PDE3A: variants seen among roughly 807,000 people sequenced by gnomAD.
PDE3A encodes cGMP-inhibited 3',5'-cyclic phosphodiesterase 3A.
PDE3A carries 43 observed loss-of-function variants against 98.3 expected under a neutral mutation model. The ratio of observed to expected loss-of-function variants is 0.44; its 90% CI spans 0.34 to 0.56. PDE3A has a LOEUF of 0.56. Among genes scored for constraint, PDE3A ranks in the 20% least tolerant of loss-of-function variants. The probability of loss-of-function intolerance (pLI) is 0.01; values close to 1 mark genes in which losing one functional copy is unlikely to be tolerated. For synonymous variants in PDE3A, 663 were observed against 567.9 expected, an observed-to-expected ratio of 1.17 and a Z score of -2.38; for missense variants, 1,427 against 1,440.7, an observed-to-expected ratio of 0.99 and a Z score of 0.15.
chr12:20,517,176 A>G (rs539051385), intron 1 of PDE3A, among the ~76,000 whole-genome samples: 2 of 152,348 alleles, frequency 1.3e-5, no homozygotes, highest in South Asian at 4.1e-4. Flanking sequence ...TATTTCTTTC[A>G]GAGTAGCTAG....
At chr12:20,481,514 A>G (rs902577249) in intron 1 of PDE3A, among the ~76,000 whole-genome samples, 3 of 152,174 alleles carry the variant, frequency 2.0e-5, no homozygotes, top group African/African-American at 7.2e-5. Context: ...CTCTTGCCCT[A>G]TTAGATCAAT....
chr12:20,453,202 C>G (rs909396265), intron 1 of PDE3A, among the ~76,000 whole-genome samples: 2 of 132,090 alleles, frequency 1.5e-5, no homozygotes, highest in African/African-American at 5.8e-5. Flanking sequence ...GAGACTGAGT[C>G]CCACTGTGTC....
At chr12:20,509,159 A>T (rs972381943) in intron 1 of PDE3A, among the ~76,000 whole-genome samples, 1 of 152,064 alleles carries the variant, frequency 6.6e-6, no homozygotes, top group East Asian at 1.9e-4. Flanking sequence ...CTAATCTGCC[A>T]CCATTACAGC....
At chr12:20,562,965 T>G (rs376978499) in intron 2 of PDE3A, among the ~76,000 whole-genome samples, 2 of 152,222 alleles carry the variant, frequency 1.3e-5, no homozygotes, top group African/African-American at 4.8e-5. Flanking sequence ...ATCATCAGTA[T>G]GCTTACAAAT....
At chr12:20,568,637 A>T (rs1295649803) in intron 2 of PDE3A, among the ~76,000 whole-genome samples, 3 of 151,964 alleles carry the variant, frequency 2.0e-5, no homozygotes, top group African/African-American at 7.2e-5. Flanking sequence ...TATAGTGAAT[A>T]ATGTACAAAA....
chr12:20,673,548 T>C (rs1283960899), intron 15 of PDE3A, among the ~76,000 whole-genome samples: 3 of 148,708 alleles, frequency 2.0e-5, no homozygotes, highest in Non-Finnish European at 4.4e-5. Flanking sequence ...ATGTCCTTTG[T>C]AGGGACATGG....
chr12:20,629,059 G>C (rs556498046), intron 5 of PDE3A, among the ~76,000 whole-genome samples: 1 of 152,306 alleles, frequency 6.6e-6, no homozygotes, highest in South Asian at 2.1e-4. Context: ...ATGAAAACCA[G>C]TAAGCAGGTT....
intron 2 of PDE3A, among the ~76,000 whole-genome samples, chr12:20,596,371 G>T (rs4417347): frequency 6.6e-6 from 1 of 151,858 alleles, no homozygotes; most frequent in Non-Finnish European, 1.5e-5. Flanking sequence ...ACATCTGCCC[G>T]CTAAATGTCT....
intron 2 of PDE3A, among the ~76,000 whole-genome samples, chr12:20,605,670 G>C (rs946123643): frequency 8.5e-5 from 13 of 152,136 alleles, no homozygotes; most frequent in Non-Finnish European, 1.8e-4. Flanking sequence ...TGTAGGTTTG[G>C]TTTTGGAAGT....
At chr12:20,657,077 TGATACTGTAGCTTTG>T (rs1394797326) in intron 15 of PDE3A, among the ~76,000 whole-genome samples, 13 of 152,256 alleles carry the variant, frequency 8.5e-5, no homozygotes, top group Admixed American at 7.9e-4. Flanking sequence ...CACAATGATT[TGATACTGTAGCTTTG>T]GAAATATTAT....
intron 1 of PDE3A, among the ~76,000 whole-genome samples, chr12:20,498,628 A>G (rs890883020): frequency 2.0e-5 from 3 of 151,334 alleles, no homozygotes; most frequent in Admixed American, 1.3e-4. Context: ...CCAATCTGCC[A>G]TGGATATCAA....
chr12:20,597,975 TG>T (rs1943504518), intron 2 of PDE3A, among the ~76,000 whole-genome samples: 1 of 152,298 alleles, frequency 6.6e-6, no homozygotes, highest in East Asian at 1.9e-4. Context: ...ATCATACTTA[TG>T]TTTTTTTTGT....
At chr12:20,445,237 T>C (rs1256863525) in intron 1 of PDE3A, among the ~76,000 whole-genome samples, 1 of 152,170 alleles carries the variant, frequency 6.6e-6, no homozygotes, top group Non-Finnish European at 1.5e-5. Flanking sequence ...GATCCAGGAA[T>C]AACTGTTAGC....
chr12:20,661,947 C>T (rs563275147), intron 15 of PDE3A, among the ~76,000 whole-genome samples: 31 of 152,198 alleles, frequency 2.0e-4, no homozygotes, highest in Admixed American at 1.4e-3. Context: ...GATCCACCAA[C>T]AGCTGGCACC....
chr12:20,379,546 G>T (rs1335130965), intron 1 of PDE3A, among the ~76,000 whole-genome samples: 1 of 151,706 alleles, frequency 6.6e-6, no homozygotes, highest in African/African-American at 2.4e-5. Context: ...CCTTTTCTCA[G>T]CCATAAGCAT....
intron 1 of PDE3A, among the ~76,000 whole-genome samples, chr12:20,495,684 ACACTT>A (rs762020680): frequency 6.6e-6 from 1 of 152,186 alleles, no homozygotes; most frequent in Non-Finnish European, 1.5e-5. Context: ...TTTGTATAAA[ACACTT>A]CAAGTTGCAG....
chr12:20,678,829 A>G (rs553275569), intron 15 of PDE3A, among the ~76,000 whole-genome samples: 323 of 152,338 alleles, frequency 2.1e-3, no homozygotes, highest in African/African-American at 7.2e-3. Context: ...TCACTGTGAA[A>G]CAATTTTGTA....
intron 1 of PDE3A, among the ~76,000 whole-genome samples, chr12:20,524,372 G>A (rs1304632575): frequency 6.6e-6 from 1 of 152,048 alleles, no homozygotes; most frequent in African/African-American, 2.4e-5. Context: ...ACTTGCCAAA[G>A]CTTTTTTTCT....
At chr12:20,673,665 A>C (rs1371230965) in intron 15 of PDE3A, among the ~76,000 whole-genome samples, 1 of 144,342 alleles carries the variant, frequency 6.9e-6, no homozygotes, top group Non-Finnish European at 1.5e-5. Context: ...ACACATGGAC[A>C]CAGGAAGGGG....
Sources: gnomAD v4.1 joint callset for allele counts (sites outside exome capture counted in the v4.1 genomes callset) on GRCh38, gnomAD v4.1.1 for gene constraint, MANE v1.5 for transcripts, NCBI Gene and HGNC (gene_info 2026-07-23, HGNC 2026-07-21) for gene names.